CDH23: variants seen among roughly 807,000 people sequenced by gnomAD.
CDH23 encodes cadherin-23.
Under a neutral mutation model 317.1 loss-of-function variants are expected in CDH23, and 189 were observed. The observed-to-expected ratio is 0.60, with a 90% confidence interval of 0.53 to 0.67. The LOEUF (loss-of-function observed/expected upper bound fraction) is 0.67, where lower values mean the gene tolerates loss of function less well. Among genes scored for constraint, CDH23 ranks in the 30% least tolerant of loss-of-function variants. The pLI is 0.00. For missense variants in CDH23, 4,401 were observed against 4,592.4 expected (o/e 0.96, Z 1.20); for synonymous variants, 1,839 against 1,876.8 (o/e 0.98, Z 0.52).
At chr10:71,466,551 T>C (rs1851265329) in intron 3 of CDH23, among the ~76,000 whole-genome samples, 1 of 152,196 alleles carries the variant, frequency 6.6e-6, no homozygotes, top group Admixed American at 6.5e-5. Context: ...CACGTGTGTT[T>C]GTCCCTGCAC....
intron 1 of CDH23, among the ~76,000 whole-genome samples, chr10:71,416,651 A>G (rs1237839787): frequency 6.6e-6 from 1 of 152,024 alleles, no homozygotes; most frequent in Non-Finnish European, 1.5e-5. Context: ...TCATCTTTGA[A>G]TGTATTTATT....
intron 6 of CDH23, among the ~76,000 whole-genome samples, chr10:71,562,866 G>A (rs2132346438): frequency 6.6e-6 from 1 of 152,370 alleles, no homozygotes; most frequent in Non-Finnish European, 1.5e-5. Context: ...TGGCTTTTGT[G>A]TGGCTCTCGG....
chr10:71,694,213 C>T lies in CDH23; in HGVS notation c.2243C>T (p.Ala748Val). Residue 748 changes from alanine (A) to valine (V), a missense_variant, in exon 21 of 70, where the codon GCA becomes GTA. By Grantham distance (64) the Ala-to-Val change is moderately conservative. Coordinates refer to ENST00000224721, the MANE Select transcript of CDH23 (RefSeq NM_022124.6). The stretch of plus-strand genomic sequence containing the variant: ...TCTGAATACATCCTCATCGTTCGCG[C>T]AGTGGACGGGGGTGTGGGCCACAAC... ...TKSEYILIVR[A>V]VDGGVGHNQK... 1.2e-6 allele frequency: 2 copies of T among 1,613,796 alleles called. No homozygotes were observed. The highest frequency in any genetic ancestry group is 1.1e-5 in the South Asian group (1 of 91,078).
chr10:71,480,585 AG>A (rs1382789084), intron 3 of CDH23, among the ~76,000 whole-genome samples: 1 of 152,166 alleles, frequency 6.6e-6, no homozygotes, highest in African/African-American at 2.4e-5. Context: ...TCCAGTGAGG[AG>A]GGCAGAGGAA....
intron 6 of CDH23, among the ~76,000 whole-genome samples, chr10:71,552,241 T>C (rs1331189345): frequency 6.6e-6 from 1 of 152,206 alleles, no homozygotes; most frequent in African/African-American, 2.4e-5. Context: ...ACAAGACAGG[T>C]GTCTGGGTTG....
chr10:71,550,236 A>G (rs1856504981), intron 6 of CDH23, among the ~76,000 whole-genome samples: 1 of 152,160 alleles, frequency 6.6e-6, no homozygotes, highest in African/African-American at 2.4e-5. Context: ...GTCATGGGAC[A>G]TATGAATTCT....
rs188934301 is a variant in CDH23 at position 71,598,882 on chromosome 10, C to T, written c.833-16622C>T. Among the ~76,000 whole-genome samples the T allele has an allele frequency of 2.1e-3, 313 of 152,366 alleles. 1 individual carries two copies. Among genetic ancestry groups the T allele is most frequent in the Non-Finnish European group, 3.0e-3 (201 of 68,030 alleles). ...GCTCATTCATCAAGCATTCTCTGAA[C>T]GCCTACTTGGTGTGGGGCACTGGGC... On this transcript the variant is annotated intron_variant, in intron 9 of 69. Transcript: ENST00000224721.
intron 17 of CDH23, among the ~76,000 whole-genome samples, chr10:71,681,846 C>T (rs72817930): frequency 0.024 from 3,719 of 152,202 alleles, 73 homozygotes; most frequent in Non-Finnish European, 0.041. Context: ...GGCTAGAGAC[C>T]GAGGAGGGTC....
At chr10:71,761,310 T>G (rs577025204) in intron 38 of CDH23, among the ~76,000 whole-genome samples, 3 of 152,172 alleles carry the variant, frequency 2.0e-5, no homozygotes, top group Non-Finnish European at 4.4e-5. Flanking sequence ...AGCCATGATG[T>G]CATCATGAGC....
chr10:71,807,799 G>A (rs1841780266), intron 59 of CDH23, 32 bp downstream of exon 59: 1 of 1,585,458 alleles, frequency 6.3e-7, no homozygotes, highest in Non-Finnish European at 8.6e-7. Flanking sequence ...CACGAGGTGT[G>A]GGGTGGCCCC....
chr10:71,534,280 C>T (rs568266050), intron 6 of CDH23, among the ~76,000 whole-genome samples: 2 of 152,262 alleles, frequency 1.3e-5, no homozygotes, highest in Admixed American at 1.3e-4. Context: ...GCCCACGGAA[C>T]AGGCCCCTCA....
intron 6 of CDH23, among the ~76,000 whole-genome samples, chr10:71,521,806 A>G (rs952859339): frequency 6.6e-6 from 1 of 152,130 alleles, no homozygotes; most frequent in Non-Finnish European, 1.5e-5. Flanking sequence ...TCTGCTCCTT[A>G]TACCCACCCA....
intron 22 of CDH23, among the ~76,000 whole-genome samples, chr10:71,701,488 G>A (rs2132729671): frequency 6.6e-6 from 1 of 152,224 alleles, no homozygotes; most frequent in East Asian, 1.9e-4. Context: ...CAGGCTGTAG[G>A]CCGGGGAGTT....
chr10:71,482,516 G>A (rs1852121965), intron 3 of CDH23, among the ~76,000 whole-genome samples: 1 of 152,234 alleles, frequency 6.6e-6, no homozygotes, highest in Non-Finnish European at 1.5e-5. Flanking sequence ...GTGGACACCT[G>A]AGGTTGGGGG....
intron 6 of CDH23, among the ~76,000 whole-genome samples, chr10:71,547,691 A>C: frequency 6.6e-6 from 1 of 152,248 alleles, no homozygotes; most frequent in Non-Finnish European, 1.5e-5. Context: ...TCCTGGAGGC[A>C]GAATTGCAAG....
intron 9 of CDH23, among the ~76,000 whole-genome samples, chr10:71,615,160 G>A (rs1451012718): frequency 6.6e-6 from 1 of 152,188 alleles, no homozygotes; most frequent in Non-Finnish European, 1.5e-5. Context: ...CTCTGAGCCT[G>A]AAGCCTGCTC....
rs140226539 is a variant in CDH23, at chr10:71,472,422, C to T, written c.145+26027C>T. On this transcript the variant is annotated intron_variant, in intron 3 of 69. Transcript: ENST00000224721. ...TTGGCCTCTTGGCTCCTCTATCACC[C>T]GTGTGACCGATTCCCCACGTTAAAT... Among the ~76,000 whole-genome samples, 61 of 152,350 alleles carry T rather than the reference C, an allele frequency of 4.0e-4. 1 individual carries two copies. Among genetic ancestry groups the T allele is most frequent in the Admixed American group, 2.8e-3 (43 of 15,306 alleles).
intron 1 of CDH23, among the ~76,000 whole-genome samples, chr10:71,436,840 G>T (rs1037855680): frequency 6.6e-6 from 1 of 152,164 alleles, no homozygotes; most frequent in Admixed American, 6.5e-5. Context: ...GAGGGCTGGA[G>T]TTTTTTCTGT....
intron 14 of CDH23, among the ~76,000 whole-genome samples, chr10:71,648,094 C>T (rs1482373992): frequency 6.6e-6 from 1 of 152,226 alleles, no homozygotes; most frequent in Non-Finnish European, 1.5e-5. Flanking sequence ...ATATTTCAAA[C>T]AGATGTTTAG....
Sources: allele counts gnomAD v4.1 joint callset (sites outside exome capture counted in the v4.1 genomes callset), GRCh38; gene constraint gnomAD v4.1.1; transcripts MANE v1.5; gene names NCBI Gene and HGNC (gene_info 2026-07-23, HGNC 2026-07-21).